Variants in DNAH9 observed in about 807,000 individuals in gnomAD.
The protein encoded by DNAH9 is DNAH9 variant protein.
Under a neutral mutation model 471.6 loss-of-function variants are expected in DNAH9, and 345 were observed. That is an observed-to-expected ratio of 0.73 (90% confidence interval 0.67 to 0.80). DNAH9 has a LOEUF of 0.80. Among genes scored for constraint, DNAH9 ranks in the 30% least tolerant of loss-of-function variants. The probability of loss-of-function intolerance (pLI) is 0.00; values close to 1 mark genes in which losing one functional copy is unlikely to be tolerated. For missense variants in DNAH9, 5,407 were observed against 5,609.2 expected, an observed-to-expected ratio of 0.96 and a Z score of 1.15; for synonymous variants, 2,093 against 2,123.6, an observed-to-expected ratio of 0.99 and a Z score of 0.40.
intron 13 of DNAH9, 55 bp downstream of exon 13, chr17:11,651,379 A>G (rs1035162300): frequency 2.6e-6 from 4 of 1,544,594 alleles, no homozygotes; most frequent in Non-Finnish European, 2.6e-6. Flanking sequence ...AGGATCTAAT[A>G]AAGTTCATAG....
At chr17:11,662,399 C>T (rs1422691091) in intron 14 of DNAH9, among the ~76,000 whole-genome samples, 1 of 151,976 alleles carries the variant, frequency 6.6e-6, no homozygotes, top group Non-Finnish European at 1.5e-5. Flanking sequence ...GTGTTATTTT[C>T]TGAGTCTATT....
intron 67 of DNAH9, among the ~76,000 whole-genome samples, chr17:11,943,110 G>A (rs1052143938): frequency 6.6e-6 from 1 of 151,692 alleles, no homozygotes; most frequent in Non-Finnish European, 1.5e-5. Flanking sequence ...TAGCCAGGAT[G>A]GTCTCCATCT....
At chr17:11,786,647 G>A (rs1019012941) in intron 41 of DNAH9, among the ~76,000 whole-genome samples, 16 of 152,134 alleles carry the variant, frequency 1.1e-4, no homozygotes, top group East Asian at 3.8e-4. Context: ...CTGCATGATC[G>A]CATAATGGTA....
chr17:11,613,763 T>C (rs2150645568), intron 4 of DNAH9, among the ~76,000 whole-genome samples: 1 of 152,290 alleles, frequency 6.6e-6, no homozygotes, highest in South Asian at 2.1e-4. Flanking sequence ...AAGTAAGCAA[T>C]AGAGTGCTAC....
At chr17:11,664,283 G>A (rs1255203357) in intron 14 of DNAH9, among the ~76,000 whole-genome samples, 1 of 151,850 alleles carries the variant, frequency 6.6e-6, no homozygotes, top group Non-Finnish European at 1.5e-5. Context: ...GAGAGAGAGA[G>A]AGAGAGTGAG....
chr17:11,799,611 G>T (rs774051640), intron 43 of DNAH9, among the ~76,000 whole-genome samples: 9 of 152,056 alleles, frequency 5.9e-5, no homozygotes, highest in Non-Finnish European at 1.2e-4. Context: ...TTTTGAGAGG[G>T]AGTCTCACTC....
At chr17:11,874,244 CA>C (rs770328921) in intron 52 of DNAH9, among the ~76,000 whole-genome samples, 101 of 106,406 alleles carry the variant, frequency 9.5e-4, no homozygotes, top group Admixed American at 1.5e-3. Context: ...GATTCCATCT[CA>C]AAAAAAAAAA....
chr17:11,851,655 A>G (rs190548546), intron 49 of DNAH9, among the ~76,000 whole-genome samples: 29 of 152,308 alleles, frequency 1.9e-4, no homozygotes, highest in Admixed American at 3.9e-4. Flanking sequence ...ACAGGGAGAC[A>G]GGGAAGGAAG....
intron 32 of DNAH9, among the ~76,000 whole-genome samples, chr17:11,749,696 G>T (rs971962137): frequency 6.6e-6 from 1 of 152,032 alleles, no homozygotes. Flanking sequence ...CCTTCTAGAT[G>T]GATAATTGAT....
intron 32 of DNAH9, among the ~76,000 whole-genome samples, chr17:11,748,013 G>A (rs1314397869): frequency 6.6e-6 from 1 of 152,018 alleles, no homozygotes; most frequent in Non-Finnish European, 1.5e-5. Context: ...CATTTAAAGA[G>A]GATAAAGCTG....
chr17:11,736,987 G>C (rs903426104), intron 28 of DNAH9, among the ~76,000 whole-genome samples: 1 of 152,216 alleles, frequency 6.6e-6, no homozygotes, highest in Non-Finnish European at 1.5e-5. Context: ...GAGAGAACCA[G>C]CCTTTGCCAG....
rs956367164 is a variant in DNAH9, at chr17:11,962,876, A to G, written c.13233+620A>G. Among the ~76,000 whole-genome samples the G allele has an allele frequency of 2.6e-5, 4 of 152,188 alleles. No individual in the cohort carries two copies. Among genetic ancestry groups the G allele is most frequent in the African/African-American group, 9.7e-5 (4 of 41,450 alleles). ...TATGTTGGCAAAGAGGAGCCAGTAGATATCACTTAAAGTGGCATTTTGAAA... is the reference window on the plus strand; with the variant it reads ...TATGTTGGCAAAGAGGAGCCAGTAGGTATCACTTAAAGTGGCATTTTGAAA... On this transcript the variant is annotated intron_variant, in intron 68 of 68. Transcript: ENST00000262442. This position sits in a 1 kb window ranked among gnomAD's most constrained non-coding sequence, Gnocchi z 4.1.
At chr17:11,643,193 C>T (rs1037846758) in intron 10 of DNAH9, among the ~76,000 whole-genome samples, 1 of 152,176 alleles carries the variant, frequency 6.6e-6, no homozygotes, top group South Asian at 2.1e-4. Context: ...AACCGTACCT[C>T]GAGCCACACT....
chr17:11,923,826 G>T lies in DNAH9; in HGVS notation c.11762G>T (p.Gly3921Val). Residue 3921 changes from glycine (G) to valine (V), a missense_variant, in exon 62 of 69, where the codon GGA becomes GTA. Gly to Val is a moderately radical substitution (Grantham distance 109). This residue lies in a region of DNAH9 where 4,636 missense variants were observed against 4,900.3 expected (regional missense o/e 0.95). Transcript: ENST00000262442. ...ATCCTCCTTTTAGGAAGAAAACTTG[G>T]ATACACCTTCAACAATCAGAACTTT... ...KDVESQGRKLGYTFNNQNFHN... is the reference protein window; with the variant it reads ...KDVESQGRKLVYTFNNQNFHN... The T allele has an allele frequency of 6.2e-7, 1 of 1,613,882 alleles. No individual in the cohort carries two copies.
chr17:11,610,647 T>A, intron 3 of DNAH9, 93 bp downstream of exon 3: 1 of 1,182,808 alleles, frequency 8.5e-7, no homozygotes, highest in Non-Finnish European at 1.2e-6. Context: ...CCATTGAGCC[T>A]ATTCTTCCCT....
rs572948986 is a variant in DNAH9 at position 11,845,458 on chromosome 17, A to G, written c.9508-8545A>G. On this transcript the variant is annotated intron_variant, in intron 49 of 68. Coordinates refer to ENST00000262442, the MANE Select transcript of DNAH9 (RefSeq NM_001372.4). ...CTTTGCTATTGTGAATAATGCCGCA[A>G]TAAACATACGTGTGCATGTGTCTTT... 1.8e-3 allele frequency among the ~76,000 whole-genome samples: 270 copies of G among 151,118 alleles called. 6 individuals carry two copies. The highest frequency in any genetic ancestry group is 6.3e-3 in the African/African-American group (255 of 40,574).
intron 26 of DNAH9, among the ~76,000 whole-genome samples, chr17:11,716,499 A>G (rs1345006894): frequency 6.6e-6 from 1 of 152,102 alleles, no homozygotes; most frequent in East Asian, 1.9e-4. Context: ...CATATGTAAA[A>G]TAGGGAGATT....
chr17:11,747,937 G>A (rs1966960419), intron 32 of DNAH9, among the ~76,000 whole-genome samples, 171 bp downstream of exon 32: 1 of 152,082 alleles, frequency 6.6e-6, no homozygotes, highest in Admixed American at 6.5e-5. Flanking sequence ...TGGCTTGCAG[G>A]GGAACTTCAG....
chr17:11,802,114 T>G (rs1335975321), intron 43 of DNAH9, among the ~76,000 whole-genome samples: 2 of 152,200 alleles, frequency 1.3e-5, no homozygotes, highest in Non-Finnish European at 2.9e-5. Flanking sequence ...ACCCGTTACT[T>G]TATCCTCGCT....
Sources: gnomAD v4.1 joint callset for allele counts (sites outside exome capture counted in the v4.1 genomes callset) on GRCh38, gnomAD v4.1.1 for gene constraint, gnomAD v4.1.1 regional missense constraint, Gnocchi (gnomAD v3.1) non-coding constraint, MANE v1.5 for transcripts, NCBI Gene and HGNC (gene_info 2026-07-23, HGNC 2026-07-21) for gene names.